The following COL19A1 variants were observed in gnomAD, a reference collection of about 807,000 sequenced individuals.
COL19A1 encodes the protein collagen type XIX alpha 1 chain, also known as collagen alpha-1(XIX) chain.
In COL19A1, 159 loss-of-function variants were observed where a neutral mutation model predicts 190.2. The observed-to-expected ratio is 0.84, with a 90% CI of 0.73 to 0.95. COL19A1 has a LOEUF of 0.95. COL19A1 is among the 40% of genes least tolerant of loss of function. COL19A1 has a pLI of 0.00. For synonymous variants in COL19A1, 509 were observed against 458.9 expected (o/e 1.11, Z -1.39); for missense variants, 1,418 against 1,431.9 (o/e 0.99, Z 0.16).
chr6:70,005,741 C>G (rs1477137390), intron 11 of COL19A1, among the ~76,000 whole-genome samples: 2 of 152,154 alleles, frequency 1.3e-5, no homozygotes, highest in East Asian at 3.9e-4. Context: ...CCAGATTCCT[C>G]AGAACTACCA....
At chr6:70,102,070 G>T in intron 15 of COL19A1, 99 bp from the exon 16 acceptor site, 1 of 1,021,004 alleles carries the variant, frequency 9.8e-7, no homozygotes, top group South Asian at 1.4e-5. Context: ...TTAACTTTCT[G>T]TTCATTTTTA....
At chr6:70,159,253 C>T (rs1787631990) in intron 34 of COL19A1, among the ~76,000 whole-genome samples, 1 of 151,734 alleles carries the variant, frequency 6.6e-6, no homozygotes, top group African/African-American at 2.4e-5. Context: ...TATGGTATAA[C>T]ATTTATAATC....
At chr6:69,873,842 T>C (rs1034373973) in intron 1 of COL19A1, among the ~76,000 whole-genome samples, 3 of 152,180 alleles carry the variant, frequency 2.0e-5, no homozygotes, top group Admixed American at 2.0e-4. Flanking sequence ...TGAGCCATCT[T>C]TGGACAAGTT....
At chr6:69,920,731 T>G (rs1360556235) in intron 4 of COL19A1, among the ~76,000 whole-genome samples, 1 of 151,618 alleles carries the variant, frequency 6.6e-6, no homozygotes, top group Non-Finnish European at 1.5e-5. Flanking sequence ...AGTAGACAAT[T>G]TAAAAAAAGG....
intron 2 of COL19A1, among the ~76,000 whole-genome samples, chr6:69,884,602 A>T (rs112630761): frequency 0.014 from 2,109 of 152,264 alleles, 26 homozygotes; most frequent in Middle Eastern, 0.031. Context: ...ATATGTATTT[A>T]AGAAGCAATG....
intron 11 of COL19A1, among the ~76,000 whole-genome samples, chr6:70,021,665 A>T (rs1036486381): frequency 6.6e-6 from 1 of 152,178 alleles, no homozygotes; most frequent in Admixed American, 6.5e-5. Context: ...TACAACAGCA[A>T]TGTCCAATGG....
chr6:69,993,206 T>C (rs1036702237), intron 11 of COL19A1, among the ~76,000 whole-genome samples: 1 of 152,136 alleles, frequency 6.6e-6, no homozygotes, highest in Non-Finnish European at 1.5e-5. Flanking sequence ...CTTCATCTAT[T>C]AAGATGATCA....
At chr6:69,998,479 A>G (rs1331477186) in intron 11 of COL19A1, among the ~76,000 whole-genome samples, 1 of 151,680 alleles carries the variant, frequency 6.6e-6, no homozygotes, top group Non-Finnish European at 1.5e-5. Context: ...CCCATCTCTA[A>G]TAAAAATTTT....
chr6:70,128,647 A>G (rs1337333496), intron 17 of COL19A1, among the ~76,000 whole-genome samples: 1 of 152,256 alleles, frequency 6.6e-6, no homozygotes, highest in African/African-American at 2.4e-5. Context: ...CACCTGACAA[A>G]GTTAAACAGG....
intron 6 of COL19A1, among the ~76,000 whole-genome samples, chr6:69,930,849 G>A (rs2150013677): frequency 6.6e-6 from 1 of 152,090 alleles, no homozygotes; most frequent in Middle Eastern, 3.4e-3. Flanking sequence ...CACAATTTGA[G>A]GCTAAAGAAT....
intron 15 of COL19A1, among the ~76,000 whole-genome samples, chr6:70,068,968 C>T (rs1781404565): frequency 6.6e-6 from 1 of 152,052 alleles, no homozygotes; most frequent in Non-Finnish European, 1.5e-5. Flanking sequence ...GCAATAACCT[C>T]CTATTTCTAG....
At chr6:70,097,237 A>G (rs1198561634) in intron 15 of COL19A1, among the ~76,000 whole-genome samples, 6 of 152,138 alleles carry the variant, frequency 3.9e-5, no homozygotes, top group Non-Finnish European at 8.8e-5. Flanking sequence ...TTTTAAAGCT[A>G]TTTTTTATTG....
intron 14 of COL19A1, among the ~76,000 whole-genome samples, chr6:70,044,158 C>T (rs1288767951): frequency 6.6e-6 from 1 of 152,202 alleles, no homozygotes; most frequent in Non-Finnish European, 1.5e-5. Context: ...CCTCTCTCAG[C>T]CTTCACAGAA....
intron 9 of COL19A1, among the ~76,000 whole-genome samples, chr6:69,955,454 A>G (rs1774355272): frequency 6.6e-6 from 1 of 152,032 alleles, no homozygotes; most frequent in Non-Finnish European, 1.5e-5. Context: ...GCATATGTAA[A>G]CAATTTAGTT....
At chr6:69,921,477 T>TATCATATATA (rs1436836786) in intron 4 of COL19A1, among the ~76,000 whole-genome samples, 11 of 24,464 alleles carry the variant, frequency 4.5e-4, no homozygotes, top group African/African-American at 1.9e-3. Context: ...TATTCATATA[T>TATCATATATA]TCATATATAT....
chr6:70,053,662 T>A (rs1208133651), intron 14 of COL19A1, among the ~76,000 whole-genome samples: 10 of 152,190 alleles, frequency 6.6e-5, no homozygotes, highest in East Asian at 1.9e-4. Flanking sequence ...TGACCTGCAA[T>A]ATAATTCCCA....
chr6:69,969,531 T>A (rs1775304006), intron 11 of COL19A1, among the ~76,000 whole-genome samples: 3 of 152,110 alleles, frequency 2.0e-5, no homozygotes, highest in Admixed American at 1.3e-4. Flanking sequence ...CAAAAATAAA[T>A]ATTGAGAAAT....
chr6:69,946,279 C>T lies in COL19A1; in HGVS notation c.936+8179C>T, dbSNP rs545391447. On this transcript the variant is annotated intron_variant, in intron 9 of 50. Transcript: ENST00000620364. Reference sequence around the variant, plus strand: ...AAATCCTACTTCTGTGAGGTTATTACTAAGAGAATGTATCCTTATTTTTAA... The same window carrying T: ...AAATCCTACTTCTGTGAGGTTATTATTAAGAGAATGTATCCTTATTTTTAA... 6.6e-5 allele frequency among the ~76,000 whole-genome samples: 10 copies of T among 152,032 alleles called. No homozygotes were observed. The South Asian group carries it at 2.1e-3, about 31-fold the overall frequency.
intron 11 of COL19A1, among the ~76,000 whole-genome samples, chr6:69,966,292 C>T (rs1230855603): frequency 2.6e-5 from 4 of 151,992 alleles, no homozygotes; most frequent in African/African-American, 4.8e-5. Context: ...TCATTGAGAA[C>T]GGGCCATGAT....
Sources: allele counts gnomAD v4.1 joint callset (sites outside exome capture counted in the v4.1 genomes callset), GRCh38; gene constraint gnomAD v4.1.1; transcripts MANE v1.5; gene names NCBI Gene and HGNC (gene_info 2026-07-23, HGNC 2026-07-21).